The following GFPT2 variants were observed in gnomAD, a reference collection of about 807,000 sequenced individuals.
The protein encoded by GFPT2 is glutamine--fructose-6-phosphate aminotransferase [isomerizing] 2.
In GFPT2, 62 loss-of-function variants were observed where a neutral mutation model predicts 85.6. That is an observed-to-expected ratio of 0.72 (90% CI 0.59 to 0.90). The LOEUF is 0.90. Ranked by LOEUF, GFPT2 falls within the 40% of genes least tolerant of loss-of-function variation. The probability of loss-of-function intolerance (pLI) is 0.00; values close to 1 mark genes in which losing one functional copy is unlikely to be tolerated. For missense variants in GFPT2, 788 were observed against 893.4 expected (o/e 0.88, Z 1.50); for synonymous variants, 368 against 344.5 (o/e 1.07, Z -0.75).
chr5:180,342,413 T>G (rs920823392), intron 1 of GFPT2, among the ~76,000 whole-genome samples: 15 of 147,952 alleles, frequency 1.0e-4, no homozygotes, highest in Admixed American at 4.0e-4. Flanking sequence ...AAATGTTTTT[T>G]TTTTTTTTTT....
chr5:180,317,705 G>C, intron 10 of GFPT2, among the ~76,000 whole-genome samples: 1 of 113,176 alleles, frequency 8.8e-6, no homozygotes, highest in East Asian at 2.7e-4. Flanking sequence ...CTTGCAGTGA[G>C]CCGAGATCGC....
intron 2 of GFPT2, among the ~76,000 whole-genome samples, chr5:180,336,800 C>T (rs556068661): frequency 6.6e-6 from 1 of 152,372 alleles, no homozygotes; most frequent in African/African-American, 2.4e-5. Flanking sequence ...GCAGCTGCCC[C>T]CAGCCCTGCT....
chr5:180,324,137 C>T, intron 9 of GFPT2, 51 bp downstream of exon 9: 1 of 991,750 alleles, frequency 1.0e-6, no homozygotes, highest in Non-Finnish European at 1.6e-6. Context: ...TTTAGACAGG[C>T]ATTCTTTGAT....
rs1764282643 is a variant in GFPT2, at chr5:180,330,495, CA to C, written c.534+204del. Among the ~76,000 whole-genome samples, 1 of 152,190 alleles carries C rather than the reference CA, an allele frequency of 6.6e-6. No homozygotes were observed. Among genetic ancestry groups the C allele is most frequent in the African/African-American group, 2.4e-5 (1 of 41,456 alleles). On this transcript the variant is annotated intron_variant, in intron 6 of 18. Transcript: ENST00000253778. This position sits in a 1 kb window ranked among gnomAD's most constrained non-coding sequence, Gnocchi z 4.4. The stretch of plus-strand genomic sequence containing the variant: ...TATTTGATGTTGACTACCCAAACCA[CA>C]GAACGTCTTCCAGTTCTACAAGAGT...
Position 180,330,633 on chromosome 5 carries a change from G to T in GFPT2, c.534+67C>A. ...AATGAAGGATTCCTTGGCACTTGCT[G>T]CTTGAAAAAAATGTTTTTAATGAAA... On this transcript the variant is annotated intron_variant, in intron 6 of 18. Coordinates refer to ENST00000253778, the MANE Select transcript of GFPT2 (RefSeq NM_005110.4). The surrounding 1 kb of genome is among the most constrained non-coding windows in gnomAD (Gnocchi z 4.4). The T allele has an allele frequency of 7.4e-7, 1 of 1,354,048 alleles. No homozygotes were observed. Among genetic ancestry groups the T allele is most frequent in the Non-Finnish European group, 1.0e-6 (1 of 956,504 alleles). 83.9% of individuals were successfully genotyped at this position (1,354,048 alleles called of 1,614,324 possible). A position where few individuals can be genotyped will look rare whatever the true frequency, so the allele number is the denominator to read the frequency against.
chr5:180,306,839 A>G (rs1478943735), intron 16 of GFPT2, among the ~76,000 whole-genome samples: 1 of 152,134 alleles, frequency 6.6e-6, no homozygotes, highest in Non-Finnish European at 1.5e-5. Context: ...GCAACCGCCA[A>G]CCTCTCAGAA....
At chr5:180,348,884 G>T (rs1044492704) in intron 1 of GFPT2, among the ~76,000 whole-genome samples, 5 of 151,794 alleles carry the variant, frequency 3.3e-5, no homozygotes, top group Admixed American at 6.6e-5. Flanking sequence ...TGGGACTACA[G>T]GTGCGTGCCA....
At chr5:180,348,412 G>T (rs955825871) in intron 1 of GFPT2, among the ~76,000 whole-genome samples, 2 of 152,238 alleles carry the variant, frequency 1.3e-5, no homozygotes, top group African/African-American at 4.8e-5. Context: ...TCATACACTG[G>T]GAAAGGTCAC....
Position 180,338,589 on chromosome 5 carries a change from A to C in GFPT2, c.19T>G (p.Tyr7Asp). 6.3e-7 allele frequency: 1 copy of C among 1,596,546 alleles called. No individual in the cohort carries two copies. The highest frequency in any genetic ancestry group is 1.1e-5 in the South Asian group (1 of 90,364). Residue 7 changes from tyrosine to aspartate, a missense_variant, in exon 2 of 19, where the codon TAC becomes GAC. By Grantham distance (160) the Tyr-to-Asp change is radical. Coordinates refer to ENST00000253778, the MANE Select transcript of GFPT2 (RefSeq NM_005110.4). ...GTCCGGGGGACTCTGTAGTTCATGT[A>C]GGCAAAGATTCCTGTTCAAAGAGAA... is the stretch of plus-strand genomic sequence containing the variant. MCGIFA[Y>D]MNYRVPRTRK...
At position 180,336,055 on chromosome 5, in the gene GFPT2, C is replaced by A. The variant is rs577158537; in HGVS notation, c.215-102G>T. On this transcript the variant is annotated intron_variant, in intron 3 of 18. Transcript: ENST00000253778. ...GTTACCCAAGTCACGTCACCCACAC[C>A]GATGGCACCTCCCCACCAGCTCCCA... The A allele has an allele frequency of 2.5e-5, 29 of 1,140,438 alleles. No homozygotes were observed. In the African/African-American group the frequency reaches 4.4e-4, roughly 17 times the overall value. 70.6% of individuals were successfully genotyped at this position (1,140,438 alleles called of 1,614,324 possible).
At chr5:180,338,001 G>T (rs956132111) in intron 2 of GFPT2, among the ~76,000 whole-genome samples, 1 of 152,148 alleles carries the variant, frequency 6.6e-6, no homozygotes, top group African/African-American at 2.4e-5. Context: ...GTGTGGTGGT[G>T]CACGCCTGTA....
chr5:180,313,760 G>C (rs1027914963), intron 14 of GFPT2, 47 bp downstream of exon 14: 3 of 1,504,320 alleles, frequency 2.0e-6, no homozygotes, highest in Admixed American at 4.1e-5. Flanking sequence ...TGGTGCACCT[G>C]CCTCCGCCAG....
At chr5:180,329,828 C>T (rs1169125093) in intron 6 of GFPT2, among the ~76,000 whole-genome samples, 1 of 152,236 alleles carries the variant, frequency 6.6e-6, no homozygotes, top group Non-Finnish European at 1.5e-5. Flanking sequence ...CGTCCTCCCG[C>T]ACCCTGCATG....
chr5:180,304,626 C>T, intron 17 of GFPT2, 146 bp downstream of exon 17: 3 of 753,356 alleles, frequency 4.0e-6, no homozygotes, highest in Non-Finnish European at 6.8e-6. Context: ...TGTGTGCACT[C>T]CCCACAGGCG....
In GFPT2 at chr5:180,337,845, A is replaced by C. The variant is rs376842489; in HGVS notation, c.115+648T>G. Among the ~76,000 whole-genome samples the C allele has an allele frequency of 1.4e-4, 22 of 152,228 alleles. 1 individual carries two copies. In the East Asian group the frequency reaches 2.1e-3, roughly 15 times the overall value. On this transcript the variant is annotated intron_variant, in intron 2 of 18. Coordinates refer to ENST00000253778, the MANE Select transcript of GFPT2 (RefSeq NM_005110.4). ...TGTTCTGTGTGTGATAAGAGGACTT[A>C]GCATAAGCTCTACCCTCTTGGCTGG...
Position 180,345,693 on chromosome 5 carries a change from T to C in GFPT2, c.8-7093A>G, listed in dbSNP as rs576822931. On this transcript the variant is annotated intron_variant, in intron 1 of 18. Transcript: ENST00000253778. The stretch of plus-strand genomic sequence containing the variant: ...CATCCATTGCTGAGTCCCCAGCACC[T>C]GGCCCAGGGCCTGGCACATCTTAGG... 2.0e-5 allele frequency among the ~76,000 whole-genome samples: 3 copies of C among 152,336 alleles called. No individual in the cohort carries two copies. The East Asian group carries it at 5.8e-4, about 29-fold the overall frequency.
In GFPT2 at chr5:180,352,903, G is replaced by A. The variant is rs535503574; in HGVS notation, c.7+308C>T. On this transcript the variant is annotated intron_variant, in intron 1 of 18. Transcript: ENST00000253778. ...ATGGGGTGGGGACCCCTCTGTTACG[G>A]GGTCCAGGCCGGACCGGACCAGGTC... The A allele has an allele frequency of 8.1e-3, 3,723 of 457,488 alleles. 24 individuals are homozygous for A. The highest frequency in any genetic ancestry group is 0.02 in the South Asian group (691 of 34,800). The allele number at this position is 457,488 out of a possible 1,614,324, so 28.3% of individuals were successfully genotyped here.
chr5:180,303,342 T>C (rs1189206785), intron 17 of GFPT2, among the ~76,000 whole-genome samples: 4 of 152,166 alleles, frequency 2.6e-5, no homozygotes, highest in Non-Finnish European at 5.9e-5. Flanking sequence ...AGGAGACATC[T>C]GGACTGAACC....
At chr5:180,327,920 T>G (rs1340177783) in intron 7 of GFPT2, among the ~76,000 whole-genome samples, 1 of 152,100 alleles carries the variant, frequency 6.6e-6, no homozygotes, top group African/African-American at 2.4e-5. Flanking sequence ...ATAATTTTGC[T>G]TTTTCTTAAA....
Sources: gnomAD v4.1 joint callset for allele counts (sites outside exome capture counted in the v4.1 genomes callset) on GRCh38, gnomAD v4.1.1 for gene constraint, Gnocchi (gnomAD v3.1) non-coding constraint, MANE v1.5 for transcripts, NCBI Gene and HGNC (gene_info 2026-07-23, HGNC 2026-07-21) for gene names.